LRRFIP2: variants seen among roughly 807,000 people sequenced by gnomAD.
The protein encoded by LRRFIP2 is leucine-rich repeat flightless-interacting protein 2.
In LRRFIP2, 109 loss-of-function variants were observed where a neutral mutation model predicts 125.9. The observed-to-expected ratio is 0.87, with a 90% confidence interval of 0.74 to 1.01. LRRFIP2 has a LOEUF of 1.01. Ranked by LOEUF, LRRFIP2 falls within the 50% of genes least tolerant of loss-of-function variation. LRRFIP2 has a pLI of 0.00. For synonymous variants in LRRFIP2, 291 were observed against 293.1 expected (o/e 0.99, Z 0.07); for missense variants, 850 against 862.3 (o/e 0.99, Z 0.18).
In LRRFIP2 at chr3:37,112,948, C is replaced by G; in HGVS notation, c.405G>C (p.Lys135Asn). 1 of 1,584,544 alleles carries G rather than the reference C, an allele frequency of 6.3e-7. No individual in the cohort carries two copies. Among genetic ancestry groups the G allele is most frequent in the Non-Finnish European group, 8.6e-7 (1 of 1,157,200 alleles). The stretch of plus-strand genomic sequence containing the variant: ...CTTTATGAGAATCAGAAGACCTCTT[C>G]TTCATTCCATGAGAGTGACTGTAAG... ...NHSYSHSHGM[K>N]KRSSDSHKDL... Residue 135 changes from lysine to asparagine, a missense_variant, in exon 8 of 28, where the codon AAG becomes AAC. Coordinates refer to ENST00000336686, the MANE Select transcript of LRRFIP2 (RefSeq NM_006309.4).
chr3:37,160,388 G>A lies in LRRFIP2; in HGVS notation c.-55-11350C>T, dbSNP rs186988682. On this transcript the variant is annotated intron_variant, in intron 1 of 27. Transcript: ENST00000336686. ...GAATAACTTAGTGAAAATAAACTAC[G>A]CAGGGAGAAGAAAACTTCAAAAATA... 2.7e-3 allele frequency among the ~76,000 whole-genome samples: 416 copies of A among 152,166 alleles called. 3 individuals are homozygous for A. Among genetic ancestry groups the A allele is most frequent in the African/African-American group, 9.3e-3 (385 of 41,496 alleles).
chr3:37,075,020 A>G lies in LRRFIP2; in HGVS notation c.1371+4T>C, dbSNP rs755194462. On this transcript the variant is annotated splice_donor_region_variant and intron_variant, in intron 20 of 27. Transcript: ENST00000336686. The stretch of plus-strand genomic sequence containing the variant: ...TTAAGTATTCCCACAGTTCATGTAC[A>G]TACCTCAATAAGCTCATCTCTTTGC... The G allele has an allele frequency of 5.6e-6, 9 of 1,604,852 alleles. No individual in the cohort carries two copies. The African/African-American group carries it at 1.2e-4, about 21-fold the overall frequency.
intron 1 of LRRFIP2, chr3:37,170,250 TCAAA>T (rs1175676642): frequency 6.6e-6 from 1 of 152,338 alleles, no homozygotes; most frequent in Non-Finnish European, 1.5e-5. Flanking sequence ...GCTGAATTCT[TCAAA>T]CAATCTTGAC....
intron 6 of LRRFIP2, 114 bp downstream of exon 6, chr3:37,121,378 A>T: frequency 1.1e-6 from 1 of 936,726 alleles, no homozygotes; most frequent in Non-Finnish European, 1.7e-6. Flanking sequence ...AATATTTTAT[A>T]CTTCTTTTAA....
At chr3:37,176,304 C>T (rs1323039222), upstream of LRRFIP2, 1 of 152,288 alleles carries the variant, frequency 6.6e-6, no homozygotes, top group Non-Finnish European at 1.5e-5. Flanking sequence ...GGAGGAGCCG[C>T]AGCCTGAGCG....
intron 6 of LRRFIP2, among the ~76,000 whole-genome samples, chr3:37,120,563 T>C (rs115691866): frequency 0.012 from 1,862 of 152,158 alleles, 38 homozygotes; most frequent in African/African-American, 0.041. Context: ...GAGTTTATAT[T>C]TGTGAATATA....
At chr3:37,170,977 G>A (rs2096578384) in intron 1 of LRRFIP2, 1 of 152,316 alleles carries the variant, frequency 6.6e-6, no homozygotes, top group African/African-American at 2.4e-5. Context: ...GGGAGGCTGA[G>A]GTGGGAGAAT....
intron 1 of LRRFIP2, among the ~76,000 whole-genome samples, chr3:37,156,569 G>A (rs2096200389): frequency 1.3e-5 from 2 of 150,352 alleles, no homozygotes; most frequent in Non-Finnish European, 3.0e-5. Context: ...AGCTACTCGG[G>A]AGGCTGAGGC....
At chr3:37,165,518 A>T (rs2096458466) in intron 1 of LRRFIP2, among the ~76,000 whole-genome samples, 1 of 152,086 alleles carries the variant, frequency 6.6e-6, no homozygotes, top group Admixed American at 6.6e-5. Context: ...GCACTTTGGG[A>T]GGCCAAGGCA....
intron 1 of LRRFIP2, among the ~76,000 whole-genome samples, chr3:37,154,370 T>C (rs894982663): frequency 3.9e-5 from 6 of 152,208 alleles, no homozygotes; most frequent in African/African-American, 1.4e-4. Flanking sequence ...CCTTAAATAA[T>C]TTTGTTTCTG....
intron 6 of LRRFIP2, among the ~76,000 whole-genome samples, chr3:37,119,635 C>G (rs1420719633): frequency 6.6e-6 from 1 of 152,064 alleles, no homozygotes; most frequent in Non-Finnish European, 1.5e-5. Flanking sequence ...TTGACTGACT[C>G]CCTGCATGAT....
chr3:37,141,753 G>C (rs2095707384), intron 2 of LRRFIP2, among the ~76,000 whole-genome samples: 2 of 152,152 alleles, frequency 1.3e-5, no homozygotes, highest in Non-Finnish European at 2.9e-5. Flanking sequence ...GGCGGCCACA[G>C]GTACAGTCTC....
intron 1 of LRRFIP2, among the ~76,000 whole-genome samples, chr3:37,153,590 A>T (rs1383880721): frequency 1.3e-5 from 2 of 152,024 alleles, no homozygotes; most frequent in African/African-American, 2.4e-5. Context: ...TTCCTTCTCA[A>T]CTAACAATGC....
chr3:37,135,048 A>G (rs1359203469), intron 2 of LRRFIP2: 2 of 1,425,558 alleles, frequency 1.4e-6, no homozygotes, highest in African/African-American at 1.4e-5. Flanking sequence ...CATAAAATAG[A>G]CAGACGTAAA....
At chr3:37,139,566 C>T (rs564606346) in intron 2 of LRRFIP2, among the ~76,000 whole-genome samples, 31 of 152,210 alleles carry the variant, frequency 2.0e-4, no homozygotes, top group African/African-American at 7.2e-4. Flanking sequence ...CCCAGTCTTC[C>T]CTTCTTTCTT....
At chr3:37,062,269 A>AT (rs909638541) in intron 24 of LRRFIP2, among the ~76,000 whole-genome samples, 8 of 151,182 alleles carry the variant, frequency 5.3e-5, no homozygotes, top group Non-Finnish European at 8.9e-5. Context: ...TCAGGCAGGA[A>AT]TTTTTTTTTT....
intron 19 of LRRFIP2, among the ~76,000 whole-genome samples, chr3:37,079,240 C>T (rs1257407167): frequency 6.6e-6 from 1 of 152,160 alleles, no homozygotes; most frequent in African/African-American, 2.4e-5. Flanking sequence ...ATCAAAACCA[C>T]ACCTATTAGG....
At chr3:37,149,489 C>T (rs2150039735) in intron 1 of LRRFIP2, among the ~76,000 whole-genome samples, 1 of 152,104 alleles carries the variant, frequency 6.6e-6, no homozygotes, top group East Asian at 1.9e-4. Context: ...AGCACTCCAG[C>T]TTGGGAGACG....
chr3:37,076,453 G>A (rs574017499), intron 19 of LRRFIP2, among the ~76,000 whole-genome samples: 1 of 152,260 alleles, frequency 6.6e-6, no homozygotes, highest in African/African-American at 2.4e-5. Flanking sequence ...CCTGAGCCTG[G>A]GGAGGTCAAG....
Sources: allele counts gnomAD v4.1 joint callset (sites outside exome capture counted in the v4.1 genomes callset), GRCh38; gene constraint gnomAD v4.1.1; transcripts MANE v1.5; gene names NCBI Gene and HGNC (gene_info 2026-07-23, HGNC 2026-07-21).